The following PPP4R3B variants were observed in gnomAD, a reference collection of about 807,000 sequenced individuals.
The protein encoded by PPP4R3B is protein phosphatase 4 regulatory subunit 3B.
In PPP4R3B, 52 loss-of-function variants were observed where a neutral mutation model predicts 95.4. The ratio of observed to expected loss-of-function variants is 0.54; its 90% confidence interval spans 0.44 to 0.69. PPP4R3B has a LOEUF of 0.69. Among genes scored for constraint, PPP4R3B ranks in the 30% least tolerant of loss-of-function variants. The probability of loss-of-function intolerance (pLI) is 0.00; values close to 1 mark genes in which losing one functional copy is unlikely to be tolerated. For missense variants in PPP4R3B, 1,003 were observed against 1,005.9 expected (o/e 1.00, Z 0.04); for synonymous variants, 407 against 343.9 (o/e 1.18, Z -2.03).
At chr2:55,574,734 C>T (rs1320745293) in intron 11 of PPP4R3B, among the ~76,000 whole-genome samples, 1 of 151,474 alleles carries the variant, frequency 6.6e-6, no homozygotes, top group Non-Finnish European at 1.5e-5. Flanking sequence ...GATGGGACTA[C>T]AGGCACCCGC....
chr2:55,575,219 C>T lies in PPP4R3B; in HGVS notation c.1607-1442G>A, dbSNP rs376303285. 1.2e-4 allele frequency among the ~76,000 whole-genome samples: 18 copies of T among 151,948 alleles called. No individual in the cohort carries two copies. In the East Asian group the frequency reaches 2.3e-3, roughly 20 times the overall value. ...CCTCCCAAAGTGCTGGGATTACAGG[C>T]GTGAGCCACCACGCCCGGCCTATTT... On this transcript the variant is annotated intron_variant, in intron 11 of 16. Coordinates refer to ENST00000616407, the MANE Select transcript of PPP4R3B (RefSeq NM_001122964.3).
intron 4 of PPP4R3B, among the ~76,000 whole-genome samples, chr2:55,592,691 T>C (rs1470993692): frequency 1.3e-5 from 2 of 152,142 alleles, no homozygotes; most frequent in Non-Finnish European, 2.9e-5. Context: ...CTCTTACCTA[T>C]GGAATAGCAG....
chr2:55,596,362 T>G (rs954713435), intron 4 of PPP4R3B, among the ~76,000 whole-genome samples: 1 of 152,184 alleles, frequency 6.6e-6, no homozygotes, highest in African/African-American at 2.4e-5. Context: ...AAAAATCAGA[T>G]TCAACAAACG....
intron 4 of PPP4R3B, among the ~76,000 whole-genome samples, chr2:55,594,834 C>A (rs1691542024): frequency 6.6e-6 from 1 of 152,130 alleles, no homozygotes. Context: ...ACCTCCCCCA[C>A]ACTCATTATT....
chr2:55,556,899 C>A (rs1490125322), intron 16 of PPP4R3B, among the ~76,000 whole-genome samples: 1 of 152,034 alleles, frequency 6.6e-6, no homozygotes, highest in Non-Finnish European at 1.5e-5. Flanking sequence ...CCCATCTCTA[C>A]CAAAAATAGA....
At position 55,569,025 on chromosome 2, in the gene PPP4R3B, T is replaced by C. The variant is rs576828005; in HGVS notation, c.1766-662A>G. Reference sequence around the variant, plus strand: ...TACTAGATATAGATCTTAGATATGATTATATATGAATATCATTAATCATTA... The same window carrying C: ...TACTAGATATAGATCTTAGATATGACTATATATGAATATCATTAATCATTA... On this transcript the variant is annotated intron_variant, in intron 12 of 16. Transcript: ENST00000616407. Among the ~76,000 whole-genome samples the C allele has an allele frequency of 1.9e-4, 29 of 152,328 alleles. No homozygotes were observed. In the South Asian group the frequency reaches 5.8e-3, roughly 30 times the overall value.
intron 14 of PPP4R3B, 56 bp downstream of exon 14, chr2:55,564,846 C>G (rs1264835930): frequency 5.7e-6 from 9 of 1,576,690 alleles, no homozygotes; most frequent in Non-Finnish European, 6.0e-6. Context: ...ATCTGAACTA[C>G]AAACAATTTT....
At position 55,584,593 on chromosome 2, in the gene PPP4R3B, C is replaced by T. The variant is rs189800085; in HGVS notation, c.1233+458G>A. Reference sequence around the variant, plus strand: ...CTCTCACTTATGAGTTGAGAACATACGATGTTTGGTTTTCTATTCCTGAGT... The same window carrying T: ...CTCTCACTTATGAGTTGAGAACATATGATGTTTGGTTTTCTATTCCTGAGT... On this transcript the variant is annotated intron_variant, in intron 7 of 16. Transcript: ENST00000616407. 1.1e-3 allele frequency among the ~76,000 whole-genome samples: 165 copies of T among 152,192 alleles called. 1 individual carries two copies. Among genetic ancestry groups the T allele is most frequent in the Middle Eastern group, 0.01 (3 of 294 alleles).
At chr2:55,598,207 G>A (rs1572690342) in intron 4 of PPP4R3B, among the ~76,000 whole-genome samples, 1 of 152,114 alleles carries the variant, frequency 6.6e-6, no homozygotes, top group Admixed American at 6.5e-5. Context: ...GCGACAGAAC[G>A]AGACTCCGAC....
chr2:55,577,246 T>G (rs1558983869), intron 11 of PPP4R3B, 69 bp downstream of exon 11: 3 of 1,483,652 alleles, frequency 2.0e-6, no homozygotes, highest in Non-Finnish European at 2.7e-6. Flanking sequence ...CTTATATAAG[T>G]GCATTACACT....
chr2:55,561,930 G>C (rs1049204683), intron 15 of PPP4R3B, among the ~76,000 whole-genome samples: 34 of 152,150 alleles, frequency 2.2e-4, no homozygotes, highest in African/African-American at 7.5e-4. Context: ...AGGCATGATT[G>C]GTTTTGAAAT....
At chr2:55,608,208 T>G (rs897866378) in intron 2 of PPP4R3B, among the ~76,000 whole-genome samples, 1 of 152,206 alleles carries the variant, frequency 6.6e-6, no homozygotes, top group African/African-American at 2.4e-5. Flanking sequence ...TTTCACCATG[T>G]TGGCCAGGCT....
intron 7 of PPP4R3B, 76 bp downstream of exon 7, chr2:55,584,975 G>T: frequency 9.2e-7 from 1 of 1,090,954 alleles, no homozygotes; most frequent in Non-Finnish European, 1.3e-6. Context: ...ATTATGTTAT[G>T]TTTTTTCTCT....
chr2:55,556,587 G>A (rs1253168691), intron 16 of PPP4R3B, among the ~76,000 whole-genome samples: 2 of 149,752 alleles, frequency 1.3e-5, no homozygotes, highest in East Asian at 3.9e-4. Flanking sequence ...CTTGCCTTTT[G>A]GTAATATTTG....
chr2:55,586,121 C>T (rs1268674177), intron 6 of PPP4R3B, among the ~76,000 whole-genome samples: 1 of 151,986 alleles, frequency 6.6e-6, no homozygotes, highest in Non-Finnish European at 1.5e-5. Context: ...ATTTCAATCT[C>T]AAGAAAATGT....
intron 3 of PPP4R3B, among the ~76,000 whole-genome samples, chr2:55,601,451 G>A (rs1692601114): frequency 6.6e-6 from 1 of 151,710 alleles, no homozygotes; most frequent in South Asian, 2.1e-4. Context: ...CGCGATCTCG[G>A]CTCACTGCAA....
intron 7 of PPP4R3B, among the ~76,000 whole-genome samples, chr2:55,584,560 T>C (rs990102799): frequency 1.3e-5 from 2 of 152,200 alleles, no homozygotes; most frequent in African/African-American, 4.8e-5. Context: ...TGCATCCTCA[T>C]AGCTTAGCTC....
chr2:55,570,442 G>C (rs1430655439), intron 12 of PPP4R3B, among the ~76,000 whole-genome samples: 1 of 152,180 alleles, frequency 6.6e-6, no homozygotes, highest in Non-Finnish European at 1.5e-5. Flanking sequence ...ACACTGAAAA[G>C]AAATCTCCTT....
intron 16 of PPP4R3B, among the ~76,000 whole-genome samples, chr2:55,553,548 G>C (rs1299757525): frequency 4.6e-5 from 7 of 152,052 alleles, no homozygotes; most frequent in Admixed American, 3.9e-4. Context: ...ACCAATTCCA[G>C]AACATTTCCA....
Sources: gnomAD v4.1 joint callset for allele counts (sites outside exome capture counted in the v4.1 genomes callset) on GRCh38, gnomAD v4.1.1 for gene constraint, MANE v1.5 for transcripts, NCBI Gene and HGNC (gene_info 2026-07-23, HGNC 2026-07-21) for gene names.